The following CLVS1 variants were observed in gnomAD, a reference collection of about 807,000 sequenced individuals.
CLVS1 encodes the protein clavesin-1.
CLVS1 carries 10 observed loss-of-function variants against 33.1 expected under a neutral mutation model. That is an observed-to-expected ratio of 0.30 (90% CI 0.19 to 0.51). CLVS1 has a LOEUF of 0.51. Among genes scored for constraint, CLVS1 ranks in the 20% least tolerant of loss-of-function variants. The pLI is 0.97. For synonymous variants in CLVS1, 163 were observed against 166.1 expected, an observed-to-expected ratio of 0.98 and a Z score of 0.14; for missense variants, 343 against 433.4, an observed-to-expected ratio of 0.79 and a Z score of 1.85.
At chr8:61,114,157 A>C (rs1478662450) in intron 1 of CLVS1, among the ~76,000 whole-genome samples, 2 of 152,222 alleles carry the variant, frequency 1.3e-5, no homozygotes, top group Non-Finnish European at 2.9e-5. Context: ...GTGAAATATT[A>C]TTCTTCTTGT....
At chr8:61,479,805 A>G (rs1056221533) in intron 5 of CLVS1, among the ~76,000 whole-genome samples, 2 of 152,178 alleles carry the variant, frequency 1.3e-5, no homozygotes, top group Non-Finnish European at 2.9e-5. Flanking sequence ...TCTAACAGTC[A>G]GGACCCTCAG....
At chr8:61,280,343 G>A (rs1052027197) in intron 2 of CLVS1, among the ~76,000 whole-genome samples, 1 of 152,174 alleles carries the variant, frequency 6.6e-6, no homozygotes, top group Admixed American at 6.5e-5. Flanking sequence ...GAGATGCCAT[G>A]ATAGAACCTG....
intron 2 of CLVS1, among the ~76,000 whole-genome samples, chr8:61,344,357 A>T (rs1346876162): frequency 6.6e-6 from 1 of 152,186 alleles, no homozygotes; most frequent in East Asian, 1.9e-4. Context: ...TAGAGCTGAT[A>T]AATTCAGATC....
intron 1 of CLVS1, among the ~76,000 whole-genome samples, chr8:61,066,705 A>G (rs1428808371): frequency 6.6e-6 from 1 of 152,208 alleles, no homozygotes; most frequent in Non-Finnish European, 1.5e-5. Flanking sequence ...AAGTGTACAC[A>G]TTCTCAATGT....
chr8:61,466,706 G>A (rs1817557625), intron 5 of CLVS1, among the ~76,000 whole-genome samples: 1 of 152,090 alleles, frequency 6.6e-6, no homozygotes. Flanking sequence ...GGAGTGCAGT[G>A]GCACGATCTC....
At chr8:61,253,424 A>C (rs201827853) in intron 2 of CLVS1, among the ~76,000 whole-genome samples, 1 of 152,154 alleles carries the variant, frequency 6.6e-6, no homozygotes, top group Admixed American at 6.5e-5. Context: ...TCGAGGAGTA[A>C]CTTTGTGGCA....
chr8:61,386,382 T>C (rs1814085575), intron 3 of CLVS1, among the ~76,000 whole-genome samples: 1 of 152,242 alleles, frequency 6.6e-6, no homozygotes, highest in African/African-American at 2.4e-5. Flanking sequence ...ATTTTACCTA[T>C]ACAGAAATAG....
At chr8:61,339,237 A>C (rs960525292) in intron 2 of CLVS1, among the ~76,000 whole-genome samples, 1 of 152,030 alleles carries the variant, frequency 6.6e-6, no homozygotes. Context: ...GAGTGAGAAC[A>C]CATATCCGAC....
chr8:61,054,644 A>C (rs1251867440), upstream of CLVS1, among the ~76,000 whole-genome samples: 1 of 151,782 alleles, frequency 6.6e-6, no homozygotes, highest in African/African-American at 2.4e-5. Flanking sequence ...TTAGAAATCC[A>C]GTCTGCCACC....
rs1267436261 is a variant in CLVS1, at chr8:61,500,338, TA to T, written c.*798del. On this transcript the variant is annotated 3_prime_UTR_variant, in exon 6 of 6. Transcript: ENST00000325897. ...CTCATGAAAATCACATGTCAGTGAT[TA>T]ATGAATCCATTCCAGTTGCCTCAAC... 3 of 152,166 alleles carry T rather than the reference TA, an allele frequency of 2.0e-5. No individual in the cohort carries two copies. The highest frequency in any genetic ancestry group is 4.8e-5 in the African/African-American group (2 of 41,442). The allele number at this position is 152,166 out of a possible 1,614,324, so 9.4% of individuals were successfully genotyped here.
intron 3 of CLVS1, among the ~76,000 whole-genome samples, chr8:61,384,923 G>C (rs1435893123): frequency 6.6e-6 from 1 of 152,122 alleles, no homozygotes; most frequent in Non-Finnish European, 1.5e-5. Flanking sequence ...AGAAGAATCA[G>C]GACAGAAACT....
intron 2 of CLVS1, among the ~76,000 whole-genome samples, chr8:61,328,654 T>TA (rs1373886257): frequency 1.3e-5 from 2 of 152,180 alleles, no homozygotes; most frequent in Non-Finnish European, 2.9e-5. Context: ...CCAGATGCCT[T>TA]ACAAGCCCTC....
intron 2 of CLVS1, among the ~76,000 whole-genome samples, chr8:61,356,187 T>C (rs1812697088): frequency 6.6e-6 from 1 of 152,070 alleles, no homozygotes; most frequent in African/African-American, 2.4e-5. Flanking sequence ...TTTTTTCATG[T>C]GTTTTTTGGC....
intron 1 of CLVS1, chr8:61,292,360 G>A (rs922065231): frequency 2.2e-6 from 1 of 456,210 alleles, no homozygotes; most frequent in South Asian, 1.5e-5. Context: ...CATTGTCTGT[G>A]CAATCACATC....
At chr8:61,445,483 C>A (rs1226862420) in intron 3 of CLVS1, among the ~76,000 whole-genome samples, 1 of 152,148 alleles carries the variant, frequency 6.6e-6, no homozygotes, top group South Asian at 2.1e-4. Context: ...GCCATGTGAT[C>A]TCTACATACC....
At chr8:61,358,200 G>A (rs1010487559) in intron 2 of CLVS1, among the ~76,000 whole-genome samples, 1 of 152,102 alleles carries the variant, frequency 6.6e-6, no homozygotes, top group Non-Finnish European at 1.5e-5. Context: ...CAATAAAGTA[G>A]GAAAGAAGAT....
chr8:61,132,942 G>A (rs566795199), intron 2 of CLVS1, among the ~76,000 whole-genome samples: 2 of 152,298 alleles, frequency 1.3e-5, no homozygotes, highest in South Asian at 4.1e-4. Flanking sequence ...GCTTTTGTGG[G>A]GTGGGCCTCA....
At chr8:61,160,446 G>A (rs1806730454) in intron 2 of CLVS1, among the ~76,000 whole-genome samples, 1 of 152,146 alleles carries the variant, frequency 6.6e-6, no homozygotes. Context: ...CCTAATGCCT[G>A]CCAACTCTGG....
At chr8:61,194,271 T>G (rs2129303373) in intron 2 of CLVS1, among the ~76,000 whole-genome samples, 1 of 152,040 alleles carries the variant, frequency 6.6e-6, no homozygotes, top group South Asian at 2.1e-4. Context: ...TCAGCTTGGA[T>G]AAAAGACAAA....
Sources: allele counts gnomAD v4.1 joint callset (sites outside exome capture counted in the v4.1 genomes callset), GRCh38; gene constraint gnomAD v4.1.1; transcripts MANE v1.5; gene names NCBI Gene and HGNC (gene_info 2026-07-23, HGNC 2026-07-21).